RBFOX1: variants seen among roughly 807,000 people sequenced by gnomAD.
RBFOX1 encodes the protein RNA binding protein fox-1 homolog 1.
In RBFOX1, 8 loss-of-function variants were observed where a neutral mutation model predicts 57.7. The ratio of observed to expected loss-of-function variants is 0.14; its 90% CI spans 0.08 to 0.25. The LOEUF (loss-of-function observed/expected upper bound fraction) is 0.25, where lower values mean the gene tolerates loss of function less well. Ranked by LOEUF, RBFOX1 falls within the 10% of genes least tolerant of loss-of-function variation. The probability of loss-of-function intolerance (pLI) is 1.00; values close to 1 mark genes in which losing one functional copy is unlikely to be tolerated. For missense variants in RBFOX1, 611 were observed against 548.5 expected (o/e 1.11, Z -1.14); for synonymous variants, 326 against 222.4 (o/e 1.47, Z -4.15).
chr16:6,419,486 A>G (rs1394296617), intron 2 of RBFOX1, among the ~76,000 whole-genome samples: 1 of 152,246 alleles, frequency 6.6e-6, no homozygotes, highest in Non-Finnish European at 1.5e-5. Context: ...AGGAATGAAG[A>G]CAATAAGCAA....
At chr16:5,965,100 C>G (rs1465290522) in intron 4 of RBFOX1, among the ~76,000 whole-genome samples, 3 of 151,920 alleles carry the variant, frequency 2.0e-5, no homozygotes, top group African/African-American at 7.3e-5. Context: ...CCCATAGAAA[C>G]AGAGGGTAAA....
At chr16:7,611,526 C>G (rs1185739394) in intron 10 of RBFOX1, among the ~76,000 whole-genome samples, 1 of 151,494 alleles carries the variant, frequency 6.6e-6, no homozygotes, top group Non-Finnish European at 1.5e-5. Flanking sequence ...TTGCAGTGAG[C>G]CAAGATTGCA....
At chr16:6,508,454 A>T (rs2096168612) in intron 2 of RBFOX1, among the ~76,000 whole-genome samples, 1 of 151,306 alleles carries the variant, frequency 6.6e-6, no homozygotes, top group Non-Finnish European at 1.5e-5. Context: ...TAACCACAGT[A>T]AAAAAAAATT....
chr16:6,740,599 C>G (rs1253691816), intron 3 of RBFOX1, among the ~76,000 whole-genome samples: 1 of 152,050 alleles, frequency 6.6e-6, no homozygotes, highest in Non-Finnish European at 1.5e-5. Flanking sequence ...TTACAGTAAA[C>G]AGATAAAAGC....
chr16:7,693,525 G>T (rs930169647), intron 14 of RBFOX1, among the ~76,000 whole-genome samples: 6 of 149,140 alleles, frequency 4.0e-5, no homozygotes, highest in Admixed American at 3.4e-4. Flanking sequence ...CTGAAGCCTT[G>T]AGGCTCTGCC....
At chr16:6,157,951 A>C (rs962803609) in intron 1 of RBFOX1, among the ~76,000 whole-genome samples, 1 of 152,170 alleles carries the variant, frequency 6.6e-6, no homozygotes, top group Non-Finnish European at 1.5e-5. Flanking sequence ...GTTGATTCCT[A>C]AACTAATTAC....
At chr16:5,952,198 T>TGGAGTGCAGCAGTGTGACCTCGGC (rs1221342103) in intron 4 of RBFOX1, among the ~76,000 whole-genome samples, 4 of 151,886 alleles carry the variant, frequency 2.6e-5, no homozygotes, top group Non-Finnish European at 5.9e-5. Context: ...TTTCCCTGGC[T>TGGAGTGCAGCAGTGTGACCTCGGC]GGAGTGCAGC....
rs192179541 is a variant in RBFOX1, at chr16:7,588,401, C to T, written c.468+1101C>T. ...CTCAGCAACCTGTGTTTTAGCTCCA[C>T]TGAGGAAAACAACACATGAGGCCTA... On this transcript the variant is annotated intron_variant, in intron 7 of 15. Transcript: ENST00000550418. Among the ~76,000 whole-genome samples the T allele has an allele frequency of 1.2e-4, 18 of 152,238 alleles. No homozygotes were observed. The East Asian group carries it at 3.5e-3, about 30-fold the overall frequency.
intron 3 of RBFOX1, among the ~76,000 whole-genome samples, chr16:6,901,404 C>T (rs889401417): frequency 6.6e-6 from 1 of 152,112 alleles, no homozygotes; most frequent in African/African-American, 2.4e-5. Flanking sequence ...GTTCCTACTA[C>T]CTTTGGGGAA....
chr16:5,647,743 A>G (rs1264737866), intron 3 of RBFOX1, among the ~76,000 whole-genome samples: 1 of 152,220 alleles, frequency 6.6e-6, no homozygotes, highest in Non-Finnish European at 1.5e-5. Flanking sequence ...TTCTTCCCCT[A>G]ATCAGCTGCC....
chr16:6,587,965 C>T (rs568978507), intron 2 of RBFOX1, among the ~76,000 whole-genome samples: 1 of 152,214 alleles, frequency 6.6e-6, no homozygotes. Context: ...CACAGTGGCT[C>T]ACGCCTGTAA....
At position 5,748,676 on chromosome 16, in the gene RBFOX1, C is replaced by T. The variant is rs188276583; in HGVS notation, c.319-118627C>T. Among the ~76,000 whole-genome samples, 567 of 152,030 alleles carry T rather than the reference C, an allele frequency of 3.7e-3. 7 individuals carry two copies. The highest frequency in any genetic ancestry group is 0.017 in the Middle Eastern group (5 of 294). Reference sequence around the variant, plus strand: ...TTGTTGGTTTAAAGTCTGTTTTATCCGAGACTAGGACCGCAACCCCTGCCT... The same window carrying T: ...TTGTTGGTTTAAAGTCTGTTTTATCTGAGACTAGGACCGCAACCCCTGCCT... On this transcript the variant is annotated intron_variant, in intron 3 of 19. Transcript: ENST00000641259.
chr16:5,880,935 A>G (rs2057746583), intron 4 of RBFOX1, among the ~76,000 whole-genome samples: 1 of 152,258 alleles, frequency 6.6e-6, no homozygotes, highest in South Asian at 2.1e-4. Context: ...AGCGATAAGC[A>G]TTATGATATT....
At chr16:7,432,598 G>C (rs545685156) in intron 4 of RBFOX1, among the ~76,000 whole-genome samples, 14 of 152,272 alleles carry the variant, frequency 9.2e-5, no homozygotes, top group African/African-American at 3.4e-4. Context: ...CAACTACTCA[G>C]CTCTGCCATT....
chr16:7,269,497 C>G (rs2095264837), intron 4 of RBFOX1, among the ~76,000 whole-genome samples: 2 of 151,950 alleles, frequency 1.3e-5, no homozygotes, highest in Middle Eastern at 3.2e-3. Context: ...AGGAAAAAAG[C>G]TTACAGTATT....
intron 3 of RBFOX1, among the ~76,000 whole-genome samples, chr16:6,899,705 A>G (rs890748130): frequency 1.4e-4 from 21 of 152,214 alleles, no homozygotes; most frequent in African/African-American, 4.8e-4. Context: ...TTTCTCGCCC[A>G]TGGAGGCTTC....
chr16:6,323,484 A>G (rs2082037986), intron 2 of RBFOX1, among the ~76,000 whole-genome samples: 1 of 152,104 alleles, frequency 6.6e-6, no homozygotes, highest in Non-Finnish European at 1.5e-5. Context: ...GCAGGTACAT[A>G]TTTTGAATGA....
chr16:6,915,550 C>CTTTT (rs141753685), intron 3 of RBFOX1, among the ~76,000 whole-genome samples: 1 of 123,530 alleles, frequency 8.1e-6, no homozygotes. Flanking sequence ...CCACACCCCC[C>CTTTT]TTTTTTTTTT....
Position 7,587,306 on chromosome 16 carries a change from C to T in RBFOX1, c.468+6C>T. 6.5e-7 allele frequency: 1 copy of T among 1,547,364 alleles called. No homozygotes were observed. Among genetic ancestry groups the T allele is most frequent in the Non-Finnish European group, 8.7e-7 (1 of 1,149,214 alleles). ...TTAATGAGCGAGGCTCAAAGGTAAG[C>T]AACTTAATTCACTTTAGAATTGTTT... is the stretch of plus-strand genomic sequence containing the variant. On this transcript the variant is annotated splice_donor_region_variant and intron_variant, in intron 7 of 15. Coordinates refer to ENST00000550418, the MANE Select transcript of RBFOX1 (RefSeq NM_018723.4).
Sources: gnomAD v4.1 joint callset for allele counts (sites outside exome capture counted in the v4.1 genomes callset) on GRCh38, gnomAD v4.1.1 for gene constraint, MANE v1.5 for transcripts, NCBI Gene and HGNC (gene_info 2026-07-23, HGNC 2026-07-21) for gene names.